The following MYO1H variants were observed in gnomAD, a reference collection of about 807,000 sequenced individuals.
MYO1H encodes the protein unconventional myosin-Ih.
A neutral mutation model predicts 149.3 loss-of-function variants in MYO1H; 118 were observed. That is an observed-to-expected ratio of 0.79 (90% confidence interval 0.68 to 0.92). MYO1H has a LOEUF of 0.92. Among genes scored for constraint, MYO1H ranks in the 40% least tolerant of loss-of-function variants. MYO1H has a pLI of 0.00. For missense variants in MYO1H, 1,212 were observed against 1,280.7 expected (o/e 0.95, Z 0.82); for synonymous variants, 447 against 465.2 (o/e 0.96, Z 0.50).
At chr12:109,419,083 C>T (rs2135570717) in intron 15 of MYO1H, among the ~76,000 whole-genome samples, 1 of 152,250 alleles carries the variant, frequency 6.6e-6, no homozygotes, top group Admixed American at 6.5e-5. Context: ...ACTCAAATGC[C>T]TTTTACTCTC....
the MYO1H span, among the ~76,000 whole-genome samples, chr12:109,313,111 G>C: frequency 2.0e-5 from 3 of 152,088 alleles, no homozygotes; most frequent in African/African-American, 7.2e-5. Flanking sequence ...CAGGCATGGT[G>C]GTGCATGCTT....
At chr12:109,400,703 C>T (rs1271206119) in intron 5 of MYO1H, among the ~76,000 whole-genome samples, 3 of 152,160 alleles carry the variant, frequency 2.0e-5, no homozygotes, top group Non-Finnish European at 2.9e-5. Context: ...TGATTTACAA[C>T]GAAACCATCA....
intron 1 of MYO1H, among the ~76,000 whole-genome samples, chr12:109,348,757 G>A (rs1868394706): frequency 6.6e-6 from 1 of 152,166 alleles, no homozygotes. Context: ...CATCTCATGT[G>A]TTCTCTGTTT....
chr12:109,405,437 A>G (rs1429054006), intron 7 of MYO1H, among the ~76,000 whole-genome samples: 1 of 151,934 alleles, frequency 6.6e-6, no homozygotes, highest in Non-Finnish European at 1.5e-5. Context: ...CAGTCTCCCA[A>G]GTAGCTGGGA....
chr12:109,437,349 T>C (rs1030007126), intron 22 of MYO1H, among the ~76,000 whole-genome samples: 20 of 152,210 alleles, frequency 1.3e-4, no homozygotes, highest in Non-Finnish European at 2.4e-4. Flanking sequence ...TGTTTTAAAC[T>C]TAACTATACT....
At chr12:109,396,511 G>A in exon 4 of MYO1H, 1 of 1,613,970 alleles carries the variant, frequency 6.2e-7, no homozygotes, top group Non-Finnish European at 8.5e-7. Context: ...GTATTTTGCA[G>A]TGACCTGCCC....
chr12:109,407,313 T>G (rs1340340728), intron 9 of MYO1H, among the ~76,000 whole-genome samples: 1 of 152,098 alleles, frequency 6.6e-6, no homozygotes, highest in Non-Finnish European at 1.5e-5. Context: ...TCAAATGAAC[T>G]GTGTGCCCAT....
chr12:109,376,615 G>A (rs1196406811), intron 1 of MYO1H, among the ~76,000 whole-genome samples: 4 of 152,134 alleles, frequency 2.6e-5, no homozygotes, highest in South Asian at 2.1e-4. Context: ...TTATTTGTAG[G>A]TCTGATCCTG....
At chr12:109,342,247 C>G in the MYO1H span, among the ~76,000 whole-genome samples, 30 of 149,310 alleles carry the variant, frequency 2.0e-4, no homozygotes, top group Non-Finnish European at 3.4e-4. Flanking sequence ...TGGGTTCAAG[C>G]AGTTCTCCTG....
At chr12:109,416,319 G>A (rs770514861) in intron 15 of MYO1H, among the ~76,000 whole-genome samples, 16 of 150,596 alleles carry the variant, frequency 1.1e-4, no homozygotes, top group Non-Finnish European at 2.1e-4. Flanking sequence ...CCCTTCCCCT[G>A]TAGCTCAAGG....
chr12:109,380,326 T>A (rs1592784290), intron 1 of MYO1H, among the ~76,000 whole-genome samples: 1 of 152,032 alleles, frequency 6.6e-6, no homozygotes, highest in East Asian at 1.9e-4. Context: ...TCTACATACT[T>A]ATAAAACAAA....
intron 8 of MYO1H, 102 bp from the exon 9 acceptor site, chr12:109,406,687 T>C: frequency 9.1e-7 from 1 of 1,101,304 alleles, no homozygotes; most frequent in Non-Finnish European, 1.4e-6. Flanking sequence ...TGCCACCACA[T>C]TCCCACCTGG....
the MYO1H span, among the ~76,000 whole-genome samples, chr12:109,342,298 C>T: frequency 6.6e-6 from 1 of 151,754 alleles, no homozygotes. Context: ...GCATGCGCCA[C>T]CACGCTCAGC....
chr12:109,433,049 G>C, intron 20 of MYO1H, 39 bp downstream of exon 20: 2 of 1,515,380 alleles, frequency 1.3e-6, no homozygotes, highest in Non-Finnish European at 1.8e-6. Context: ...CTCTTCCCTT[G>C]ACATCAAAGG....
chr12:109,380,366 A>T (rs185493509), intron 1 of MYO1H, among the ~76,000 whole-genome samples: 27 of 151,642 alleles, frequency 1.8e-4, no homozygotes, highest in Non-Finnish European at 3.1e-4. Flanking sequence ...CCGCTGACAT[A>T]AACGGTAAAA....
At chr12:109,413,918 A>G (rs915654999) in intron 14 of MYO1H, among the ~76,000 whole-genome samples, 6 of 152,090 alleles carry the variant, frequency 3.9e-5, no homozygotes, top group Non-Finnish European at 7.3e-5. Flanking sequence ...TCAAAGAGAA[A>G]AAAAAGGACT....
intron 24 of MYO1H, among the ~76,000 whole-genome samples, chr12:109,440,224 C>CG (rs1281747191): frequency 6.6e-6 from 1 of 152,096 alleles, no homozygotes; most frequent in Non-Finnish European, 1.5e-5. Flanking sequence ...TTAGTAGAGA[C>CG]GGAGTTTTGC....
intron 18 of MYO1H, among the ~76,000 whole-genome samples, chr12:109,426,663 T>G (rs1337220181): frequency 6.6e-6 from 1 of 152,198 alleles, no homozygotes; most frequent in Non-Finnish European, 1.5e-5. Context: ...CGTCACTCTT[T>G]TCTAGCCAAG....
chr12:109,312,200 A>G, the MYO1H span, among the ~76,000 whole-genome samples: 1 of 115,560 alleles, frequency 8.7e-6, no homozygotes, highest in Admixed American at 8.8e-5. Flanking sequence ...CAAGAAGTTC[A>G]GTTTTTTTTT....
Sources: gnomAD v4.1 joint callset for allele counts (sites outside exome capture counted in the v4.1 genomes callset) on GRCh38, gnomAD v4.1.1 for gene constraint, MANE v1.5 for transcripts, NCBI Gene and HGNC (gene_info 2026-07-23, HGNC 2026-07-21) for gene names.